PHKA2: variants seen among roughly 807,000 people sequenced by gnomAD.
The protein encoded by PHKA2 is phosphorylase kinase regulatory subunit alpha 2.
A neutral mutation model predicts 102.0 loss-of-function variants in PHKA2; 31 were observed. That is an observed-to-expected ratio of 0.30 (90% CI 0.23 to 0.41). The LOEUF is 0.41. Ranked by LOEUF, PHKA2 falls within the 10% of genes least tolerant of loss-of-function variation. The pLI is 1.00. For missense variants in PHKA2, 858 were observed against 1,023.1 expected, an observed-to-expected ratio of 0.84 and a Z score of 2.20; for synonymous variants, 455 against 416.2, an observed-to-expected ratio of 1.09 and a Z score of -1.13.
At chrX:18,895,603 A>C in intron 30 of PHKA2, 1 of 191,754 alleles carries the variant, frequency 5.2e-6, no homozygotes. Flanking sequence ...GATTTCTATA[A>C]TAAGCACCAA....
At chrX:18,954,146 G>A (rs1191099482) in intron 2 of PHKA2, 108 bp downstream of exon 2, 1 of 752,455 alleles carries the variant, frequency 1.3e-6, no homozygotes, top group East Asian at 3.2e-5. Context: ...AAATAGAGGA[G>A]AGGCCTACAC....
At chrX:18,939,456 T>C (rs1158339729) in intron 9 of PHKA2, among the ~76,000 whole-genome samples, 3 of 111,926 alleles carry the variant, frequency 2.7e-5, no homozygotes, top group African/African-American at 9.7e-5. Context: ...AGTGTTGGGA[T>C]TACAGGCCAC....
At chrX:18,951,605 G>T (rs1218544485) in intron 3 of PHKA2, among the ~76,000 whole-genome samples, 1 of 111,450 alleles carries the variant, frequency 9.0e-6, no homozygotes, top group Non-Finnish European at 1.9e-5. Flanking sequence ...AAAAGGAGGG[G>T]AGGAAAGGAA....
In PHKA2 at chrX:18,893,587, G is replaced by A; in HGVS notation, c.3606C>T (p.Asp1202=). Reference sequence around the variant, plus strand: ...TCCCATAAGCCCCACTCGGAGCGCTGTCATAAAAGAAGTGGCAGATTCCTG... The same window carrying A: ...TCCCATAAGCCCCACTCGGAGCGCTATCATAAAAGAAGTGGCAGATTCCTG... The part of the protein sequence containing the change: ...QATGICHFFY[D]SAPSGAYGTM... Residue 1202 remains aspartate, a synonymous_variant, in exon 33 of 33, where the codon GAC becomes GAT. Transcript: ENST00000379942. The A allele has an allele frequency of 8.3e-7, 1 of 1,211,395 alleles. No homozygotes were observed. Among genetic ancestry groups the A allele is most frequent in the Non-Finnish European group, 1.1e-6 (1 of 894,832 alleles).
At chrX:18,960,963 T>C (rs1180461488) in intron 1 of PHKA2, among the ~76,000 whole-genome samples, 1 of 112,391 alleles carries the variant, frequency 8.9e-6, no homozygotes, top group Non-Finnish European at 1.9e-5. Flanking sequence ...GAAAGGACAG[T>C]CTTTTTAACA....
intron 17 of PHKA2, among the ~76,000 whole-genome samples, chrX:18,921,833 A>G (rs2048127963): frequency 8.9e-6 from 1 of 112,465 alleles, no homozygotes; most frequent in Admixed American, 9.4e-5. Context: ...TGTCTATGAA[A>G]TGGGAATTCA....
intron 19 of PHKA2, among the ~76,000 whole-genome samples, chrX:18,911,277 G>A (rs890050568): frequency 8.2e-5 from 9 of 109,778 alleles, no homozygotes; most frequent in Non-Finnish European, 1.1e-4. Context: ...AGGTTCAAGT[G>A]ATTCTCCTGC....
chrX:18,978,115 C>T (rs1321419884), intron 1 of PHKA2, among the ~76,000 whole-genome samples: 1 of 110,605 alleles, frequency 9.0e-6, no homozygotes, highest in East Asian at 2.8e-4. Context: ...CAAGATCATG[C>T]CACTGCACTC....
In PHKA2 at chrX:18,904,277, G is replaced by A. The variant is rs375434433; in HGVS notation, c.2908+1481C>T. Reference sequence around the variant, plus strand: ...GAGGGGCTGTCTGGGGTGGGTGTTCGCTGGAAACATTTATCTCAGACATCT... The same window carrying A: ...GAGGGGCTGTCTGGGGTGGGTGTTCACTGGAAACATTTATCTCAGACATCT... On this transcript the variant is annotated intron_variant, in intron 26 of 32. Coordinates refer to ENST00000379942, the MANE Select transcript of PHKA2 (RefSeq NM_000292.3). 7.3e-3 allele frequency among the ~76,000 whole-genome samples: 814 copies of A among 112,011 alleles called. 9 individuals are homozygous for A. The highest frequency in any genetic ancestry group is 0.025 in the African/African-American group (759 of 30,830).
In PHKA2 at chrX:18,894,219, C is replaced by G; in HGVS notation, c.3522G>C (p.Leu1174=). ...GCACCCCCACCTGGTCCTGCAAGAA[C>G]AGCTGACTGGCCATCTGCACGATCT... ...VDQIVQMASQ[L]FLQDQVSIGA... Residue 1174 remains leucine (L), a synonymous_variant, in exon 32 of 33, where the codon CTG becomes CTC. Coordinates refer to ENST00000379942, the MANE Select transcript of PHKA2 (RefSeq NM_000292.3). The G allele has an allele frequency of 8.3e-7, 1 of 1,211,665 alleles. No individual in the cohort carries two copies. The highest frequency in any genetic ancestry group is 3.0e-5 in the East Asian group (1 of 33,864).
At chrX:18,976,024 G>C (rs2049085827) in intron 1 of PHKA2, among the ~76,000 whole-genome samples, 1 of 96,648 alleles carries the variant, frequency 1.0e-5, no homozygotes, top group Non-Finnish European at 2.0e-5. Context: ...GCTCAGACTG[G>C]AGTGTGGTGG....
Position 18,899,168 on chromosome X carries a change from G to A in PHKA2, c.3111+5C>T, listed in dbSNP as rs756217257. ...ACGGACACAATAATCCCGAGGCACT[G>A]TTACCGCAGACTTGGAGGAATGCGC... On this transcript the variant is annotated splice_donor_5th_base_variant and intron_variant, in intron 29 of 32. Coordinates refer to ENST00000379942, the MANE Select transcript of PHKA2 (RefSeq NM_000292.3). The A allele has an allele frequency of 4.8e-5, 58 of 1,203,756 alleles. No individual in the cohort carries two copies. The highest frequency in any genetic ancestry group is 6.4e-5 in the Non-Finnish European group (57 of 889,355).
At chrX:18,901,632 T>C (rs2047683225) in intron 26 of PHKA2, 29 bp from the exon 27 acceptor site, 1 of 994,303 alleles carries the variant, frequency 1.0e-6, no homozygotes, top group South Asian at 1.9e-5. Context: ...CACGTGGTTC[T>C]CAGGAACTCT....
At chrX:18,960,722 C>T (rs959318532) in intron 1 of PHKA2, among the ~76,000 whole-genome samples, 44 of 112,468 alleles carry the variant, frequency 3.9e-4, no homozygotes, top group African/African-American at 1.3e-3. Flanking sequence ...GAGATTTTGT[C>T]AGGGACAAAC....
chrX:18,946,079 C>G (rs2048574864), intron 5 of PHKA2, among the ~76,000 whole-genome samples: 1 of 110,051 alleles, frequency 9.1e-6, no homozygotes, highest in Admixed American at 9.7e-5. Context: ...AGGCGCACAC[C>G]ACCACACCCA....
At chrX:18,953,977 C>A (rs1360722222) in intron 2 of PHKA2, among the ~76,000 whole-genome samples, 1 of 110,409 alleles carries the variant, frequency 9.1e-6, no homozygotes, top group African/African-American at 3.3e-5. Flanking sequence ...CAGAGTGAGA[C>A]TCCATCTCAA....
At chrX:18,930,816 C>T (rs1018491791) in intron 12 of PHKA2, among the ~76,000 whole-genome samples, 8 of 111,015 alleles carry the variant, frequency 7.2e-5, no homozygotes, top group African/African-American at 2.0e-4. Flanking sequence ...GCTGCTTCCA[C>T]GGTGGTATCT....
At chrX:18,903,179 C>T (rs2047730879) in intron 26 of PHKA2, among the ~76,000 whole-genome samples, 1 of 112,346 alleles carries the variant, frequency 8.9e-6, no homozygotes, top group East Asian at 2.8e-4. Context: ...CCTTTTTGTA[C>T]TTGTATCGTG....
chrX:18,930,809 G>C (rs1347640111), intron 12 of PHKA2, among the ~76,000 whole-genome samples: 2 of 111,070 alleles, frequency 1.8e-5, no homozygotes, highest in African/African-American at 6.6e-5. Flanking sequence ...CCTGAGGGCT[G>C]CTTCCACGGT....
Sources: gnomAD v4.1 joint callset for allele counts (sites outside exome capture counted in the v4.1 genomes callset) on GRCh38, gnomAD v4.1.1 for gene constraint, MANE v1.5 for transcripts, NCBI Gene and HGNC (gene_info 2026-07-23, HGNC 2026-07-21) for gene names.